The following RALY variants were observed in gnomAD, a reference collection of about 807,000 sequenced individuals.
RALY encodes the protein RNA-binding protein Raly.
Under a neutral mutation model 30.7 loss-of-function variants are expected in RALY, and 15 were observed. The observed-to-expected ratio is 0.49, with a 90% CI of 0.33 to 0.75. RALY has a LOEUF of 0.75. Among genes scored for constraint, RALY ranks in the 30% least tolerant of loss-of-function variants. The pLI is 0.02. For missense variants in RALY, 339 were observed against 414.3 expected (o/e 0.82, Z 1.58); for synonymous variants, 177 against 170.8 (o/e 1.04, Z -0.28).
chr20:34,072,926 T>A (rs2033768901), intron 3 of RALY, among the ~76,000 whole-genome samples: 1 of 118,694 alleles, frequency 8.4e-6, no homozygotes, highest in Non-Finnish European at 1.8e-5. Flanking sequence ...TATGTATAGA[T>A]GTAGTGTGTG....
intron 2 of RALY, among the ~76,000 whole-genome samples, chr20:34,056,594 G>GTTAT (rs745620360): frequency 3.0e-4 from 46 of 152,170 alleles, no homozygotes; most frequent in Non-Finnish European, 4.9e-4. Flanking sequence ...TTTTTAGCAT[G>GTTAT]TTATTCCTCT....
intron 1 of RALY, among the ~76,000 whole-genome samples, chr20:34,009,528 G>T (rs1402306822): frequency 4.6e-5 from 7 of 151,948 alleles, no homozygotes; most frequent in Non-Finnish European, 1.0e-4. Context: ...GAGCCACCAC[G>T]CCCCAGCCTC....
chr20:34,017,992 T>C (rs1002242504), intron 1 of RALY, among the ~76,000 whole-genome samples: 2 of 152,164 alleles, frequency 1.3e-5, no homozygotes, highest in African/African-American at 2.4e-5. Flanking sequence ...TCCTAGGGGA[T>C]GTAATTATGA....
chr20:34,015,424 T>C (rs2031567932), intron 1 of RALY, among the ~76,000 whole-genome samples: 2 of 152,124 alleles, frequency 1.3e-5, no homozygotes, highest in African/African-American at 4.8e-5. Context: ...CCTACTTCTT[T>C]TTTGCACTTT....
chr20:34,058,543 T>G (rs2033323695), intron 2 of RALY, among the ~76,000 whole-genome samples: 1 of 152,208 alleles, frequency 6.6e-6, no homozygotes, highest in South Asian at 2.1e-4. Context: ...ATTTTGAACT[T>G]GAGTCTATCC....
intron 5 of RALY, among the ~76,000 whole-genome samples, chr20:34,074,406 C>G (rs1055431402): frequency 6.6e-6 from 1 of 152,172 alleles, no homozygotes; most frequent in Non-Finnish European, 1.5e-5. Flanking sequence ...TACAACAGCA[C>G]TAGCCACATT....
chr20:34,053,165 A>G (rs1168247197), intron 2 of RALY, among the ~76,000 whole-genome samples: 1 of 152,026 alleles, frequency 6.6e-6, no homozygotes, highest in African/African-American at 2.4e-5. Flanking sequence ...CAGCCCAAAA[A>G]TATCACCTTT....
chr20:34,041,265 G>A (rs1480186794), intron 2 of RALY, among the ~76,000 whole-genome samples: 6 of 152,194 alleles, frequency 3.9e-5, no homozygotes, highest in Non-Finnish European at 7.3e-5. Flanking sequence ...TCTCCTCCAG[G>A]GACCTGGCAG....
chr20:34,003,875 G>A (rs1268987169), intron 1 of RALY, among the ~76,000 whole-genome samples: 1 of 152,032 alleles, frequency 6.6e-6, no homozygotes, highest in African/African-American at 2.4e-5. Flanking sequence ...TCCTGACCTC[G>A]TGATCCGCCC....
At chr20:33,998,678 A>G (rs567382260) in intron 1 of RALY, among the ~76,000 whole-genome samples, 11 of 152,264 alleles carry the variant, frequency 7.2e-5, no homozygotes, top group East Asian at 1.9e-4. Flanking sequence ...CCATGATTCA[A>G]TGTGCATTTT....
chr20:34,071,498 C>A (rs1212289856), intron 2 of RALY, among the ~76,000 whole-genome samples: 5 of 151,932 alleles, frequency 3.3e-5, no homozygotes, highest in Non-Finnish European at 7.4e-5. Flanking sequence ...AGGCTGGTTT[C>A]GAACTCCTGA....
intron 1 of RALY, among the ~76,000 whole-genome samples, chr20:33,999,458 T>G (rs1443990208): frequency 9.2e-5 from 14 of 152,242 alleles, no homozygotes; most frequent in Admixed American, 2.6e-4. Context: ...AACATTAGTT[T>G]AGGAAGAGAG....
chr20:34,039,079 T>C (rs1005825706), intron 2 of RALY, among the ~76,000 whole-genome samples: 3 of 152,214 alleles, frequency 2.0e-5, no homozygotes, highest in African/African-American at 7.2e-5. Flanking sequence ...GTTCTGTGTC[T>C]CCAAAGGCGC....
intron 1 of RALY, among the ~76,000 whole-genome samples, chr20:34,028,990 G>A (rs1455898160): frequency 6.6e-6 from 1 of 152,104 alleles, no homozygotes; most frequent in African/African-American, 2.4e-5. Context: ...AGTGTCATTA[G>A]GACCATTAGT....
chr20:34,042,114 G>A (rs539466496), intron 2 of RALY, among the ~76,000 whole-genome samples: 70 of 152,196 alleles, frequency 4.6e-4, no homozygotes, highest in African/African-American at 1.6e-3. Context: ...GCGAGATGCC[G>A]TCTCAAAAAA....
At chr20:33,997,558 C>G (rs2030698763) in intron 1 of RALY, among the ~76,000 whole-genome samples, 1 of 152,200 alleles carries the variant, frequency 6.6e-6, no homozygotes, top group South Asian at 2.1e-4. Flanking sequence ...ATCAAAACTA[C>G]TCAGAATGAT....
At chr20:34,041,854 C>T (rs2032713050) in intron 2 of RALY, among the ~76,000 whole-genome samples, 1 of 152,080 alleles carries the variant, frequency 6.6e-6, no homozygotes, top group East Asian at 1.9e-4. Flanking sequence ...CCTGTAATTG[C>T]CAGCACTTTG....
chr20:34,026,398 A>ATTTATTTG (rs2032037358), intron 1 of RALY, among the ~76,000 whole-genome samples: 1 of 149,912 alleles, frequency 6.7e-6, no homozygotes, highest in East Asian at 1.9e-4. Flanking sequence ...TTATTTATTT[A>ATTTATTTG]TTTATTTATT....
chr20:34,014,685 T>C (rs942294954), intron 1 of RALY, among the ~76,000 whole-genome samples: 2 of 152,176 alleles, frequency 1.3e-5, no homozygotes, highest in African/African-American at 2.4e-5. Flanking sequence ...AATTAAAAAT[T>C]AAAAATTTTA....
Sources: gnomAD v4.1 joint callset for allele counts (sites outside exome capture counted in the v4.1 genomes callset) on GRCh38, gnomAD v4.1.1 for gene constraint, MANE v1.5 for transcripts, NCBI Gene and HGNC (gene_info 2026-07-23, HGNC 2026-07-21) for gene names.